ADAMTSL1: variants seen among roughly 807,000 people sequenced by gnomAD.
The protein encoded by ADAMTSL1 is ADAMTS-like protein 1.
ADAMTSL1 carries 126 observed loss-of-function variants against 201.8 expected under a neutral mutation model. The observed-to-expected ratio is 0.62, with a 90% CI of 0.54 to 0.72. ADAMTSL1 has a LOEUF of 0.72. ADAMTSL1 is among the 30% of genes least tolerant of loss of function. The pLI is 0.00. For missense variants in ADAMTSL1, 2,679 were observed against 2,277.8 expected (o/e 1.18, Z -3.59); for synonymous variants, 1,121 against 903.4 (o/e 1.24, Z -4.32).
chr9:18,105,176 G>A (rs574535210), intron 1 of ADAMTSL1, among the ~76,000 whole-genome samples: 11 of 152,254 alleles, frequency 7.2e-5, no homozygotes, highest in African/African-American at 1.9e-4. Flanking sequence ...TGTCTCACCT[G>A]TAAAACAAGC....
intron 23 of ADAMTSL1, among the ~76,000 whole-genome samples, chr9:18,874,377 G>A (rs1489512502): frequency 2.0e-5 from 3 of 152,042 alleles, no homozygotes; most frequent in Admixed American, 6.6e-5. Context: ...TCTTGTTCTG[G>A]TTCTCAGGGA....
In ADAMTSL1 at chr9:17,937,705, T is replaced by C. The variant is rs1252638314; in HGVS notation, c.87+30783T>C. Among the ~76,000 whole-genome samples the C allele has an allele frequency of 1.4e-4, 18 of 131,018 alleles. No individual in the cohort carries two copies. In the Admixed American group the frequency reaches 1.4e-3, roughly 10 times the overall value. The allele number at this position is 131,018 out of a possible 152,430, so 86.0% of individuals were successfully genotyped here. On this transcript the variant is annotated intron_variant, in intron 1 of 29. Transcript: ENST00000680146. ...GGCCTACTGTGCACTGCTGGCCATA[T>C]ATTATGTTTCCTCATCTCTCTCTTG...
chr9:18,831,417 G>A (rs1018035772), intron 23 of ADAMTSL1, among the ~76,000 whole-genome samples: 2 of 152,202 alleles, frequency 1.3e-5, no homozygotes, highest in South Asian at 4.1e-4. Flanking sequence ...CACAAGCAGG[G>A]TGGCAGCAAT....
chr9:18,848,167 A>G (rs1826252998), intron 23 of ADAMTSL1, among the ~76,000 whole-genome samples: 1 of 152,064 alleles, frequency 6.6e-6, no homozygotes, highest in Non-Finnish European at 1.5e-5. Flanking sequence ...TCCTTCATCT[A>G]GTAAGAGGGG....
At chr9:18,897,145 G>A (rs1341591250) in intron 26 of ADAMTSL1, among the ~76,000 whole-genome samples, 2 of 152,162 alleles carry the variant, frequency 1.3e-5, no homozygotes, top group Non-Finnish European at 2.9e-5. Flanking sequence ...GTTTAAGTGG[G>A]ACCCTGATCC....
At chr9:18,366,944 A>C (rs1012248482) in intron 2 of ADAMTSL1, among the ~76,000 whole-genome samples, 2 of 152,136 alleles carry the variant, frequency 1.3e-5, no homozygotes, top group African/African-American at 4.8e-5. Context: ...GAATATGAAA[A>C]TAAATACTTA....
chr9:18,677,666 G>C (rs915593321), intron 10 of ADAMTSL1, among the ~76,000 whole-genome samples: 1 of 151,960 alleles, frequency 6.6e-6, no homozygotes, highest in Admixed American at 6.6e-5. Context: ...GGTTAAAATT[G>C]ATTTCTTATA....
intron 14 of ADAMTSL1, among the ~76,000 whole-genome samples, chr9:18,710,679 T>TG (rs1189557022): frequency 6.7e-6 from 1 of 148,644 alleles, no homozygotes; most frequent in African/African-American, 2.5e-5. Context: ...TTGTTTTTTT[T>TG]TTTTTTTTTT....
At chr9:18,323,270 G>C (rs1834698319) in intron 2 of ADAMTSL1, among the ~76,000 whole-genome samples, 1 of 151,912 alleles carries the variant, frequency 6.6e-6, no homozygotes, top group South Asian at 2.1e-4. Flanking sequence ...CACAATAAGA[G>C]AATTAACAAA....
chr9:18,169,251 G>A (rs1174123744), intron 2 of ADAMTSL1, among the ~76,000 whole-genome samples: 1 of 151,820 alleles, frequency 6.6e-6, no homozygotes, highest in East Asian at 1.9e-4. Context: ...GGGTTTTTAT[G>A]GTTTTAGGTC....
At chr9:18,388,918 G>A (rs1396267640) in intron 2 of ADAMTSL1, among the ~76,000 whole-genome samples, 2 of 151,766 alleles carry the variant, frequency 1.3e-5, no homozygotes, top group South Asian at 2.1e-4. Flanking sequence ...CACCTCACCC[G>A]GCTAATTTTT....
At chr9:18,083,314 G>A (rs1296794240) in intron 1 of ADAMTSL1, among the ~76,000 whole-genome samples, 1 of 152,138 alleles carries the variant, frequency 6.6e-6, no homozygotes, top group East Asian at 1.9e-4. Flanking sequence ...AGTTCTCAAG[G>A]TTAGAGTTCT....
intron 2 of ADAMTSL1, among the ~76,000 whole-genome samples, chr9:18,385,034 C>G (rs570849781): frequency 1.3e-5 from 2 of 152,256 alleles, no homozygotes; most frequent in East Asian, 3.9e-4. Flanking sequence ...AGTGCCAACT[C>G]CCTGGGGATG....
intron 1 of ADAMTSL1, among the ~76,000 whole-genome samples, chr9:17,991,274 A>G (rs1819139345): frequency 1.3e-5 from 2 of 152,142 alleles, no homozygotes; most frequent in African/African-American, 2.4e-5. Flanking sequence ...GAAGCAGTGT[A>G]CGTGTTATTC....
At chr9:18,101,307 C>G (rs1452689452) in intron 1 of ADAMTSL1, among the ~76,000 whole-genome samples, 1 of 151,930 alleles carries the variant, frequency 6.6e-6, no homozygotes. Flanking sequence ...ACCAGCCTGA[C>G]CAACAGGGTG....
chr9:18,867,843 G>A (rs998280023), intron 23 of ADAMTSL1, among the ~76,000 whole-genome samples: 3 of 151,972 alleles, frequency 2.0e-5, no homozygotes, highest in Non-Finnish European at 4.4e-5. Flanking sequence ...GGCCAGGCTG[G>A]TCTTGAACTC....
intron 2 of ADAMTSL1, among the ~76,000 whole-genome samples, chr9:18,181,328 T>A (rs1276313433): frequency 6.6e-6 from 1 of 152,002 alleles, no homozygotes; most frequent in African/African-American, 2.4e-5. Flanking sequence ...GCAAAAGAAA[T>A]TACCATCAGA....
intron 23 of ADAMTSL1, among the ~76,000 whole-genome samples, chr9:18,860,620 G>T (rs544694131): frequency 6.6e-6 from 1 of 152,224 alleles, no homozygotes; most frequent in African/African-American, 2.4e-5. Flanking sequence ...GAGTCAGATG[G>T]CAATATGTAA....
rs573705128 is a variant in ADAMTSL1 at position 18,739,243 on chromosome 9, T to C, written c.2007-14055T>C. The stretch of plus-strand genomic sequence containing the variant: ...TATTTTATAGATAAATGAGTTGGCA[T>C]TCAAAAAGGGTAACTTTCCCAAGGT... On this transcript the variant is annotated intron_variant, in intron 15 of 28. Coordinates refer to ENST00000380548, the MANE Select transcript of ADAMTSL1 (RefSeq NM_001040272.6). 2.7e-4 allele frequency among the ~76,000 whole-genome samples: 41 copies of C among 152,282 alleles called. No individual in the cohort carries two copies. The South Asian group carries it at 7.9e-3, about 29-fold the overall frequency.
Sources: gnomAD v4.1 joint callset for allele counts (sites outside exome capture counted in the v4.1 genomes callset) on GRCh38, gnomAD v4.1.1 for gene constraint, MANE v1.5 for transcripts, NCBI Gene and HGNC (gene_info 2026-07-23, HGNC 2026-07-21) for gene names.